The following PCDHGA1 variants were observed in gnomAD, a reference collection of about 807,000 sequenced individuals.
PCDHGA1 encodes protocadherin gamma-A1.
PCDHGA1 carries 32 observed loss-of-function variants against 58.0 expected under a neutral mutation model. The ratio of observed to expected loss-of-function variants is 0.55; its 90% confidence interval spans 0.42 to 0.74. The LOEUF (loss-of-function observed/expected upper bound fraction) is 0.74. PCDHGA1 is among the 30% of genes least tolerant of loss of function. PCDHGA1 has a pLI of 0.00. For synonymous variants in PCDHGA1, 498 were observed against 501.1 expected, an observed-to-expected ratio of 0.99 and a Z score of 0.08; for missense variants, 1,205 against 1,182.3, an observed-to-expected ratio of 1.02 and a Z score of -0.28.
At chr5:141,395,358 G>C in intron 1 of PCDHGA1, 1 of 1,346,158 alleles carries the variant, frequency 7.4e-7, no homozygotes, top group Non-Finnish European at 9.9e-7. Flanking sequence ...ACAGAGTTTT[G>C]GGTTTATTTT....
intron 1 of PCDHGA1, chr5:141,433,139 T>G: frequency 6.2e-7 from 1 of 1,614,068 alleles, no homozygotes; most frequent in Non-Finnish European, 8.5e-7. Context: ...CCTTTTGCTG[T>G]CAGGTGATTC....
intron 3 of PCDHGA1, among the ~76,000 whole-genome samples, chr5:141,505,956 T>C (rs1177913983): frequency 6.6e-6 from 1 of 152,102 alleles, no homozygotes; most frequent in Non-Finnish European, 1.5e-5. Flanking sequence ...TGAAAGTGGG[T>C]GTAGAAATCC....
chr5:141,345,469 C>G, intron 1 of PCDHGA1: 1 of 1,614,122 alleles, frequency 6.2e-7, no homozygotes, highest in Non-Finnish European at 8.5e-7. Context: ...GCCCAGGACC[C>G]AGATAGCAAC....
Position 141,490,931 on chromosome 5 carries a change from T to C in PCDHGA1, c.2422-3876T>C. 1 of 1,613,780 alleles carries C rather than the reference T, an allele frequency of 6.2e-7. No individual in the cohort carries two copies. Among genetic ancestry groups the C allele is most frequent in the East Asian group, 2.2e-5 (1 of 44,872 alleles). ...GACGAGAATGATAATGCCCCAGCTG[T>C]GCTGCACCCACGGCCAGACTGGGAA... On this transcript the variant is annotated intron_variant, in intron 1 of 3. Transcript: ENST00000517417. This position sits in a 1 kb window ranked among gnomAD's most constrained non-coding sequence, Gnocchi z 5.4.
Position 141,332,818 on chromosome 5 carries a change from C to G in PCDHGA1, c.2134C>G (p.Leu712Val), listed in dbSNP as rs373960526. The change falls in exon 1 of 4, where the codon CTG becomes GTG. Residue 712 changes from leucine to valine, a missense_variant. Leu to Val is a conservative substitution (Grantham distance 32). Coordinates refer to ENST00000517417, the MANE Select transcript of PCDHGA1 (RefSeq NM_018912.3). The surrounding 1 kb of genome is among the most constrained non-coding windows in gnomAD (Gnocchi z 4.6). ...CVFLAFVIVL[L>V]AHRLRRWHKS... ...CTTCCTGGCCTTCGTCATCGTGCTGCTGGCGCACAGGCTGCGGCGCTGGCA... is the reference window on the plus strand; with the variant it reads ...CTTCCTGGCCTTCGTCATCGTGCTGGTGGCGCACAGGCTGCGGCGCTGGCA... 6.2e-7 allele frequency: 1 copy of G among 1,614,110 alleles called. No homozygotes were observed. The highest frequency in any genetic ancestry group is 8.5e-7 in the Non-Finnish European group (1 of 1,180,052).
At chr5:141,466,938 G>C (rs985959499) in intron 1 of PCDHGA1, among the ~76,000 whole-genome samples, 1 of 151,854 alleles carries the variant, frequency 6.6e-6, no homozygotes, top group Non-Finnish European at 1.5e-5. Context: ...TTAGTCCTTT[G>C]TCCAGTAAAC....
At chr5:141,361,529 A>G in intron 1 of PCDHGA1, 1 of 1,614,030 alleles carries the variant, frequency 6.2e-7, no homozygotes, top group South Asian at 1.1e-5. Context: ...GCAGAGAACA[A>G]TCCTCCTGGC....
At chr5:141,415,818 A>C in intron 1 of PCDHGA1, 11 of 1,325,038 alleles carry the variant, frequency 8.3e-6, no homozygotes, top group Non-Finnish European at 8.7e-6. Flanking sequence ...CCTATATATC[A>C]TAAGGCTTTG....
chr5:141,331,963 C>G lies in PCDHGA1; in HGVS notation c.1279C>G (p.Gln427Glu). The stretch of plus-strand genomic sequence containing the variant: ...CAACATCACAATAACAGCAATAGAC[C>G]AAGGAACTCCAGCTCTATCTACTGA... ...GYNITITAID[Q>E]GTPALSTETH... The change falls in exon 1 of 4, where the codon CAA (glutamine) becomes GAA (glutamate). Residue 427 changes from glutamine to glutamate, a missense_variant. Coordinates refer to ENST00000517417, the MANE Select transcript of PCDHGA1 (RefSeq NM_018912.3). 6.2e-7 allele frequency: 1 copy of G among 1,614,074 alleles called. No homozygotes were observed. The highest frequency in any genetic ancestry group is 8.5e-7 in the Non-Finnish European group (1 of 1,180,012).
intron 1 of PCDHGA1, chr5:141,415,073 C>G: frequency 1.9e-6 from 3 of 1,613,434 alleles, no homozygotes; most frequent in Non-Finnish European, 2.5e-6. Flanking sequence ...GTGCGCACGG[C>G]GCGAGCCCTG....
At chr5:141,401,813 T>C (rs2094195030) in intron 1 of PCDHGA1, among the ~76,000 whole-genome samples, 1 of 152,208 alleles carries the variant, frequency 6.6e-6, no homozygotes, top group Non-Finnish European at 1.5e-5. Context: ...ATGGGTTCCT[T>C]ACAAAGTGCT....
At position 141,490,870 on chromosome 5, in the gene PCDHGA1, T is replaced by C; in HGVS notation, c.2422-3937T>C. Reference sequence around the variant, plus strand: ...GGTTCGAGACTCCGGCTCTCCCCCATTGCATGCCAACACATCTCTGCATGT... The same window carrying C: ...GGTTCGAGACTCCGGCTCTCCCCCACTGCATGCCAACACATCTCTGCATGT... On this transcript the variant is annotated intron_variant, in intron 1 of 3. Coordinates refer to ENST00000517417, the MANE Select transcript of PCDHGA1 (RefSeq NM_018912.3). The surrounding 1 kb of genome is among the most constrained non-coding windows in gnomAD (Gnocchi z 5.4). 6.2e-7 allele frequency: 1 copy of C among 1,613,888 alleles called. No homozygotes were observed. Among genetic ancestry groups the C allele is most frequent in the Non-Finnish European group, 8.5e-7 (1 of 1,179,932 alleles).
rs747481541 is a variant in PCDHGA1 at position 141,356,652 on chromosome 5, T to A, written c.2421+23547T>A. On this transcript the variant is annotated intron_variant, in intron 1 of 3. Transcript: ENST00000517417. ...CTCAAGACCCTGACAGTGGTGACAATGCCCGAATCACTTACTCCCTGGCCG... is the reference window on the plus strand; with the variant it reads ...CTCAAGACCCTGACAGTGGTGACAAAGCCCGAATCACTTACTCCCTGGCCG... 3.1e-6 allele frequency: 5 copies of A among 1,613,960 alleles called. No homozygotes were observed. The African/African-American group carries it at 5.3e-5, about 17-fold the overall frequency.
intron 1 of PCDHGA1, chr5:141,393,169 T>A: frequency 6.2e-7 from 1 of 1,613,090 alleles, no homozygotes; most frequent in African/African-American, 1.3e-5. Context: ...CTCTTTGGGG[T>A]AGAAATAGAA....
intron 1 of PCDHGA1, among the ~76,000 whole-genome samples, chr5:141,347,844 T>C (rs1758028527): frequency 6.6e-6 from 1 of 152,102 alleles, no homozygotes; most frequent in South Asian, 2.1e-4. Flanking sequence ...GCCTGTTACA[T>C]ATGCCTAATG....
At chr5:141,439,124 CAG>C (rs2098089371) in intron 1 of PCDHGA1, among the ~76,000 whole-genome samples, 1 of 150,004 alleles carries the variant, frequency 6.7e-6, no homozygotes, top group Non-Finnish European at 1.5e-5. Flanking sequence ...ACCCGGGAGA[CAG>C]AGGTTGCAGT....
chr5:141,389,494 C>T (rs1300548775), intron 1 of PCDHGA1: 2 of 1,613,058 alleles, frequency 1.2e-6, no homozygotes, highest in East Asian at 2.2e-5. Context: ...GACCAGGGCT[C>T]GCCAGCGCTC....
In PCDHGA1 at chr5:141,486,667, G is replaced by A; in HGVS notation, c.2422-8140G>A. On this transcript the variant is annotated intron_variant, in intron 1 of 3. Coordinates refer to ENST00000517417, the MANE Select transcript of PCDHGA1 (RefSeq NM_018912.3). The surrounding 1 kb of genome is among the most constrained non-coding windows in gnomAD (Gnocchi z 5.0). ...TCTCCTACTCACTCCTGGAGCCCAG[G>A]AATCGAGATGTATCAGCTTCCTCTT... 4 of 1,613,948 alleles carry A rather than the reference G, an allele frequency of 2.5e-6. No individual in the cohort carries two copies. Among genetic ancestry groups the A allele is most frequent in the Non-Finnish European group, 3.4e-6 (4 of 1,180,014 alleles).
chr5:141,419,398 G>A (rs2096375486), intron 1 of PCDHGA1: 7 of 1,613,572 alleles, frequency 4.3e-6, no homozygotes, highest in Non-Finnish European at 5.1e-6. Flanking sequence ...AGAGCGGGGT[G>A]GTGTTCGCGC....
Sources: gnomAD v4.1 joint callset for allele counts (sites outside exome capture counted in the v4.1 genomes callset) on GRCh38, gnomAD v4.1.1 for gene constraint, Gnocchi (gnomAD v3.1) non-coding constraint, MANE v1.5 for transcripts, NCBI Gene and HGNC (gene_info 2026-07-23, HGNC 2026-07-21) for gene names.